ONECUT3: variants seen among roughly 807,000 people sequenced by gnomAD.
ONECUT3 encodes one cut domain family member 3.
A neutral mutation model predicts 16.8 loss-of-function variants in ONECUT3; 11 were observed. That is an observed-to-expected ratio of 0.66 (90% confidence interval 0.41 to 1.09). The LOEUF is 1.09. Among genes scored for constraint, ONECUT3 ranks in the 50% least tolerant of loss-of-function variants. ONECUT3 has a pLI of 0.00. For synonymous variants in ONECUT3, 344 were observed against 310.7 expected (o/e 1.11, Z -1.13); for missense variants, 637 against 629.9 (o/e 1.01, Z -0.12).
rs368855031 is a variant in ONECUT3, at chr19:1,766,815, C to A, written c.1193-8338C>A. 7.2e-5 allele frequency among the ~76,000 whole-genome samples: 11 copies of A among 152,116 alleles called. No individual in the cohort carries two copies. Among genetic ancestry groups the A allele is most frequent in the South Asian group, 2.1e-4 (1 of 4,826 alleles). On this transcript the variant is annotated intron_variant, in intron 1 of 1. Coordinates refer to ENST00000382349, the MANE Select transcript of ONECUT3 (RefSeq NM_001080488.2). This position sits in a 1 kb window ranked among gnomAD's most constrained non-coding sequence, Gnocchi z 4.0. ...CTTGCAGGCTGGGCTGAGACCCCCCCCCCATGCTCCACCACCCTCGTGTAG... is the reference window on the plus strand; with the variant it reads ...CTTGCAGGCTGGGCTGAGACCCCCCACCCATGCTCCACCACCCTCGTGTAG...
At position 1,779,192 on chromosome 19, in the gene ONECUT3, TG is replaced by T. The variant is rs1177638509; in HGVS notation, c.*3748del. 6.6e-6 allele frequency: 1 copy of T among 152,350 alleles called. No homozygotes were observed. Among genetic ancestry groups the T allele is most frequent in the African/African-American group, 2.4e-5 (1 of 41,576 alleles). The allele number at this position is 152,350 out of a possible 1,614,324, so 9.4% of individuals were successfully genotyped here. A position where few individuals can be genotyped will look rare whatever the true frequency, so the allele number is the denominator to read the frequency against. On this transcript the variant is annotated 3_prime_UTR_variant, in exon 2 of 2. Coordinates refer to ENST00000382349, the MANE Select transcript of ONECUT3 (RefSeq NM_001080488.2). ...TAGCTAGTTTTTGGAATACGTGACTTGAAGCTTTATACCGTTAAATTATAAT... is the reference window on the plus strand; with the variant it reads ...TAGCTAGTTTTTGGAATACGTGACTTAAGCTTTATACCGTTAAATTATAAT...
chr19:1,756,179 C>T (rs777076986), intron 1 of ONECUT3, among the ~76,000 whole-genome samples: 1 of 152,116 alleles, frequency 6.6e-6, no homozygotes, highest in Non-Finnish European at 1.5e-5. Flanking sequence ...CCATTCCCTC[C>T]CTCCACCCCA....
intron 1 of ONECUT3, among the ~76,000 whole-genome samples, chr19:1,756,431 A>T (rs569888539): frequency 6.6e-6 from 1 of 152,120 alleles, no homozygotes; most frequent in Non-Finnish European, 1.5e-5. Flanking sequence ...ATACAGCGGC[A>T]CTCGTGCGCT....
Position 1,754,120 on chromosome 19 carries a change from CG to C in ONECUT3, c.459del (p.Pro154HisfsTer11). The C allele has an allele frequency of 9.7e-7, 1 of 1,030,544 alleles. No individual in the cohort carries two copies. The highest frequency in any genetic ancestry group is 1.2e-6 in the Non-Finnish European group (1 of 861,964). The allele number at this position is 1,030,544 out of a possible 1,614,324, so 63.8% of individuals were successfully genotyped here. A position where few individuals can be genotyped will look rare whatever the true frequency, so the allele number is the denominator to read the frequency against. Reference sequence around the variant, plus strand: ...CCGCACCCGGCGGCCGCGCCGCCCCCGCCACCCCCGCCGCAGCGTCTGGCGG... The same window carrying C: ...CCGCACCCGGCGGCCGCGCCGCCCCCCCACCCCCGCCGCAGCGTCTGGCGG... ...AHPHPAAAPP[P>X]PPPPQRLAAS... On this transcript the variant is annotated frameshift_variant, in exon 1 of 2. Coordinates refer to ENST00000382349, the MANE Select transcript of ONECUT3 (RefSeq NM_001080488.2). LOFTEE classifies it high-confidence loss of function. This position sits in a 1 kb window ranked among gnomAD's most constrained non-coding sequence, Gnocchi z 7.4.
intron 1 of ONECUT3, among the ~76,000 whole-genome samples, chr19:1,770,580 A>T (rs1304296832): frequency 6.6e-6 from 1 of 152,238 alleles, no homozygotes; most frequent in Non-Finnish European, 1.5e-5. Context: ...GTAAATTGCT[A>T]AGTGAATGAA....
At chr19:1,756,983 C>A (rs904783106) in intron 1 of ONECUT3, among the ~76,000 whole-genome samples, 3 of 152,224 alleles carry the variant, frequency 2.0e-5, no homozygotes, top group African/African-American at 7.2e-5. Flanking sequence ...ACCGTGGGTG[C>A]ACCCAGAGTC....
chr19:1,776,474 G>A lies in ONECUT3; in HGVS notation c.*1029G>A, dbSNP rs1255134158. 6.6e-6 allele frequency: 1 copy of A among 152,022 alleles called. No individual in the cohort carries two copies. Among genetic ancestry groups the A allele is most frequent in the East Asian group, 1.9e-4 (1 of 5,184 alleles). The allele number at this position is 152,022 out of a possible 1,614,324, so 9.4% of individuals were successfully genotyped here. On this transcript the variant is annotated 3_prime_UTR_variant, in exon 2 of 2. Coordinates refer to ENST00000382349, the MANE Select transcript of ONECUT3 (RefSeq NM_001080488.2). This position sits in a 1 kb window ranked among gnomAD's most constrained non-coding sequence, Gnocchi z 4.9. ...CCGCCCGCGTCAGGGTCTGAACTGG[G>A]CTTGCAGGGGGGCAGCGGGGTTGAA...
rs1298154365 is a variant in ONECUT3, at chr19:1,778,386, A to T, written c.*2941A>T. On this transcript the variant is annotated 3_prime_UTR_variant, in exon 2 of 2. Transcript: ENST00000382349. ...CCAAAAGTGCTAGGATTACAGGTAG[A>T]TAGACATTTAGTGGAGGAAGAGGCT... The T allele has an allele frequency of 6.6e-6, 1 of 152,202 alleles. No individual in the cohort carries two copies. Among genetic ancestry groups the T allele is most frequent in the Admixed American group, 6.5e-5 (1 of 15,280 alleles). The allele number at this position is 152,202 out of a possible 1,614,324, so 9.4% of individuals were successfully genotyped here. A position where few individuals can be genotyped will look rare whatever the true frequency, so the allele number is the denominator to read the frequency against.
At chr19:1,773,235 T>C (rs927303278) in intron 1 of ONECUT3, among the ~76,000 whole-genome samples, 1 of 148,222 alleles carries the variant, frequency 6.7e-6, no homozygotes, top group African/African-American at 2.5e-5. Context: ...CACCAAACCA[T>C]TTTTCTCCAT....
At position 1,755,851 on chromosome 19, in the gene ONECUT3, C is replaced by G. The variant is rs1162767310; in HGVS notation, c.1192+997C>G. Reference sequence around the variant, plus strand: ...AAGTCCACACCTGCCCTCTGACAGGCAGCCCGGCCAGGCCCCCATTTCCTA... The same window carrying G: ...AAGTCCACACCTGCCCTCTGACAGGGAGCCCGGCCAGGCCCCCATTTCCTA... On this transcript the variant is annotated intron_variant, in intron 1 of 1. Coordinates refer to ENST00000382349, the MANE Select transcript of ONECUT3 (RefSeq NM_001080488.2). The surrounding 1 kb of genome is among the most constrained non-coding windows in gnomAD (Gnocchi z 7.5). Among the ~76,000 whole-genome samples, 1 of 152,194 alleles carries G rather than the reference C, an allele frequency of 6.6e-6. No individual in the cohort carries two copies. Among genetic ancestry groups the G allele is most frequent in the Non-Finnish European group, 1.5e-5 (1 of 68,010 alleles).
At chr19:1,765,090 G>A (rs932960471) in intron 1 of ONECUT3, among the ~76,000 whole-genome samples, 3 of 152,232 alleles carry the variant, frequency 2.0e-5, no homozygotes, top group African/African-American at 7.2e-5. Context: ...GGGCACAGAG[G>A]GACATGGGAT....
intron 1 of ONECUT3, among the ~76,000 whole-genome samples, chr19:1,757,634 G>A (rs2067923560): frequency 1.3e-5 from 2 of 152,054 alleles, no homozygotes; most frequent in Admixed American, 6.5e-5. Flanking sequence ...CGTCTCAGGT[G>A]CCCTGGGGGC....
At chr19:1,763,783 T>C (rs570313918) in intron 1 of ONECUT3, among the ~76,000 whole-genome samples, 13 of 151,684 alleles carry the variant, frequency 8.6e-5, no homozygotes, top group African/African-American at 3.1e-4. Context: ...TCCGAGATTC[T>C]TCCCCCCGGC....
chr19:1,766,657 C>T lies in ONECUT3; in HGVS notation c.1193-8496C>T, dbSNP rs898229712. Reference sequence around the variant, plus strand: ...GTGATGGGGGTTGACAGGTGGGCCCCAGCTTGGGTTGCAGCAATGACTGAA... The same window carrying T: ...GTGATGGGGGTTGACAGGTGGGCCCTAGCTTGGGTTGCAGCAATGACTGAA... On this transcript the variant is annotated intron_variant, in intron 1 of 1. Transcript: ENST00000382349. The surrounding 1 kb of genome is among the most constrained non-coding windows in gnomAD (Gnocchi z 4.0). Among the ~76,000 whole-genome samples, 5 of 151,790 alleles carry T rather than the reference C, an allele frequency of 3.3e-5. No homozygotes were observed. The highest frequency in any genetic ancestry group is 1.2e-4 in the African/African-American group (5 of 41,286).
chr19:1,758,802 G>T lies in ONECUT3; in HGVS notation c.1192+3948G>T, dbSNP rs367746335. Among the ~76,000 whole-genome samples, 8 of 152,270 alleles carry T rather than the reference G, an allele frequency of 5.3e-5. No individual in the cohort carries two copies. The East Asian group carries it at 9.6e-4, about 18-fold the overall frequency. On this transcript the variant is annotated intron_variant, in intron 1 of 1. Coordinates refer to ENST00000382349, the MANE Select transcript of ONECUT3 (RefSeq NM_001080488.2). The surrounding 1 kb of genome is among the most constrained non-coding windows in gnomAD (Gnocchi z 5.9). ...GGCGGGCTCCTCGGCGGGGGTGGGG[G>T]CGGTCGATGAATTCGAATTACCGTC...
In ONECUT3 at chr19:1,779,441, G is replaced by A. The variant is rs1397854449; in HGVS notation, c.*3996G>A. ...CAAGAGAGAGAGAGAGGGAGAGAGA[G>A]GGAGAGGGAGAGAGAGAGGCAGAGG... is the stretch of plus-strand genomic sequence containing the variant. On this transcript the variant is annotated 3_prime_UTR_variant, in exon 2 of 2. Transcript: ENST00000382349. 2.0e-5 allele frequency: 3 copies of A among 152,100 alleles called. No individual in the cohort carries two copies. The highest frequency in any genetic ancestry group is 7.2e-5 in the African/African-American group (3 of 41,500). 9.4% of individuals were successfully genotyped at this position (152,100 alleles called of 1,614,324 possible). A position where few individuals can be genotyped will look rare whatever the true frequency, so the allele number is the denominator to read the frequency against.
Position 1,757,839 on chromosome 19 carries a change from C to T in ONECUT3, c.1192+2985C>T, listed in dbSNP as rs565191006. 2.9e-3 allele frequency among the ~76,000 whole-genome samples: 449 copies of T among 152,210 alleles called. 2 individuals are homozygous for T. The highest frequency in any genetic ancestry group is 5.3e-3 in the Non-Finnish European group (360 of 67,994). On this transcript the variant is annotated intron_variant, in intron 1 of 1. Coordinates refer to ENST00000382349, the MANE Select transcript of ONECUT3 (RefSeq NM_001080488.2). ...ATCTCCACCTAACACGGCGACGCCC[C>T]AACGCTGGTGCTCGGAAAGGGAACT...
At chr19:1,770,730 A>G (rs1489157214) in intron 1 of ONECUT3, among the ~76,000 whole-genome samples, 1 of 152,198 alleles carries the variant, frequency 6.6e-6, no homozygotes, top group Non-Finnish European at 1.5e-5. Context: ...TGTAATCCTC[A>G]TAGGGTGGCC....
rs965744138 is a variant in ONECUT3, at chr19:1,776,591, T to C, written c.*1146T>C. ...ATTTTTTGCCAAAAATATTTACAAA[T>C]GGGAAGGGTCGGAAATGAAGATGAG... On this transcript the variant is annotated 3_prime_UTR_variant, in exon 2 of 2. Transcript: ENST00000382349. This position sits in a 1 kb window ranked among gnomAD's most constrained non-coding sequence, Gnocchi z 4.9. The C allele has an allele frequency of 6.6e-6, 1 of 151,818 alleles. No individual in the cohort carries two copies. Among genetic ancestry groups the C allele is most frequent in the African/African-American group, 2.4e-5 (1 of 41,284 alleles). The allele number at this position is 151,818 out of a possible 1,614,324, so 9.4% of individuals were successfully genotyped here. A position where few individuals can be genotyped will look rare whatever the true frequency, so the allele number is the denominator to read the frequency against.
Sources: gnomAD v4.1 joint callset for allele counts (sites outside exome capture counted in the v4.1 genomes callset) on GRCh38, gnomAD v4.1.1 for gene constraint, Gnocchi (gnomAD v3.1) non-coding constraint, MANE v1.5 for transcripts, NCBI Gene and HGNC (gene_info 2026-07-23, HGNC 2026-07-21) for gene names.